Variants in FLVCR1 observed in about 807,000 individuals in gnomAD.
FLVCR1 encodes FLVCR choline and heme transporter 1, also known as choline/ethanolamine transporter FLVCR1.
A neutral mutation model predicts 53.6 loss-of-function variants in FLVCR1; 34 were observed. The ratio of observed to expected loss-of-function variants is 0.63; its 90% CI spans 0.48 to 0.84. The LOEUF is 0.84. Ranked by LOEUF, FLVCR1 falls within the 40% of genes least tolerant of loss-of-function variation. The pLI is 0.00. For synonymous variants in FLVCR1, 300 were observed against 286.3 expected, an observed-to-expected ratio of 1.05 and a Z score of -0.48; for missense variants, 677 against 696.7, an observed-to-expected ratio of 0.97 and a Z score of 0.32.
In FLVCR1 at chr1:212,858,771, C is replaced by T. The variant is rs773385018; in HGVS notation, c.319C>T (p.Arg107Cys). ...PLPLTALSPRRFVVLLIFSLY... is the reference protein window; with the variant it reads ...PLPLTALSPRCFVVLLIFSLY... Reference sequence around the variant, plus strand: ...GCCCCTTACGGCGCTCTCCCCGCGGCGCTTCGTGGTGCTCCTGATCTTCAG... The same window carrying T: ...GCCCCTTACGGCGCTCTCCCCGCGGTGCTTCGTGGTGCTCCTGATCTTCAG... The change falls in exon 1 of 10, where the codon CGC becomes TGC. Residue 107 changes from arginine (R) to cysteine (C), a missense_variant. Transcript: ENST00000366971. 1.9e-6 allele frequency: 3 copies of T among 1,613,940 alleles called. No individual in the cohort carries two copies. The South Asian group carries it at 3.3e-5, about 18-fold the overall frequency.
At chr1:212,884,829 A>G (rs780336693) in intron 4 of FLVCR1, among the ~76,000 whole-genome samples, 1 of 152,214 alleles carries the variant, frequency 6.6e-6, no homozygotes, top group Non-Finnish European at 1.5e-5. Context: ...ATAACATGTT[A>G]TGCTACTGAA....
intron 1 of FLVCR1, among the ~76,000 whole-genome samples, 166 bp downstream of exon 1, chr1:212,859,356 A>T (rs1306575003): frequency 6.6e-6 from 1 of 152,224 alleles, no homozygotes; most frequent in African/African-American, 2.4e-5. Flanking sequence ...GAAGTGGGCT[A>T]TAAATTTCTT....
intron 3 of FLVCR1, among the ~76,000 whole-genome samples, chr1:212,882,898 C>G (rs1047995077): frequency 6.8e-6 from 1 of 147,116 alleles, no homozygotes; most frequent in Non-Finnish European, 1.5e-5. Context: ...GGCTCCATCT[C>G]AAAAAAAAAA....
intron 8 of FLVCR1, among the ~76,000 whole-genome samples, chr1:212,892,369 C>T (rs1196207509): frequency 3.3e-5 from 5 of 152,226 alleles, no homozygotes; most frequent in Admixed American, 6.5e-5. Context: ...CACATTGAAA[C>T]TAATGCTTGT....
At chr1:212,885,731 T>C (rs1416439273) in intron 5 of FLVCR1, among the ~76,000 whole-genome samples, 2 of 151,970 alleles carry the variant, frequency 1.3e-5, no homozygotes, top group Non-Finnish European at 2.9e-5. Context: ...TTTTATATTT[T>C]TAGTAGAGAC....
At chr1:212,878,935 G>A (rs1177163099) in intron 3 of FLVCR1, among the ~76,000 whole-genome samples, 1 of 152,006 alleles carries the variant, frequency 6.6e-6, no homozygotes, top group Non-Finnish European at 1.5e-5. Context: ...GCTGCAGTGA[G>A]CTGTGTTTGT....
chr1:212,868,634 C>G (rs192618611), intron 2 of FLVCR1, among the ~76,000 whole-genome samples: 211 of 151,634 alleles, frequency 1.4e-3, no homozygotes, highest in Non-Finnish European at 2.7e-3. Flanking sequence ...GATTCAAACT[C>G]CTGACCTCAG....
intron 2 of FLVCR1, among the ~76,000 whole-genome samples, chr1:212,864,762 A>G (rs1410548164): frequency 3.3e-5 from 5 of 152,226 alleles, no homozygotes; most frequent in Non-Finnish European, 5.9e-5. Context: ...TACAATGGCT[A>G]TAATAGTAAT....
At chr1:212,873,779 A>T (rs6659996) in intron 3 of FLVCR1, among the ~76,000 whole-genome samples, 70,491 of 152,022 alleles carry the variant, frequency 0.46, 17,586 homozygotes, top group East Asian at 0.56. Flanking sequence ...TTTTTGGGGA[A>T]ACACACTCTA....
chr1:212,864,713 T>A lies in FLVCR1; in HGVS notation c.883+844T>A, dbSNP rs1364771077. Among the ~76,000 whole-genome samples, 3 of 152,222 alleles carry A rather than the reference T, an allele frequency of 2.0e-5. No homozygotes were observed. In the East Asian group the frequency reaches 5.8e-4, roughly 29 times the overall value. ...TCTTTTAATCATTCAAATTTATAAT[T>A]TCATTATAGCTGGAGTTTTAAATTT... On this transcript the variant is annotated intron_variant, in intron 2 of 9. Coordinates refer to ENST00000366971, the MANE Select transcript of FLVCR1 (RefSeq NM_014053.4).
In FLVCR1 at chr1:212,872,710, C is replaced by CA; in HGVS notation, c.917dup (p.Ala307GlyfsTer11). 1 of 1,613,834 alleles carries CA rather than the reference C, an allele frequency of 6.2e-7. No individual in the cohort carries two copies. On this transcript the variant is annotated frameshift_variant, in exon 3 of 10. Transcript: ENST00000366971. LOFTEE classifies it high-confidence loss of function. Reference sequence around the variant, plus strand: ...AGAAAAACCTCGGTATCCACCAAGTCAGGCTCAAGCAGCTCTTCAAGACAG... The same window carrying CA: ...AGAAAAACCTCGGTATCCACCAAGTCAAGGCTCAAGCAGCTCTTCAAGACAG...
chr1:212,885,315 G>A lies in FLVCR1; in HGVS notation c.1115G>A (p.Arg372Lys). The A allele has an allele frequency of 6.2e-7, 1 of 1,614,008 alleles. No individual in the cohort carries two copies. The highest frequency in any genetic ancestry group is 8.5e-7 in the Non-Finnish European group (1 of 1,179,942). ...YYEGEEVNAG[R>K]IGLTLVVAGM... ...CAGGGAGAAGAAGTCAATGCTGGAAGGATTGGGCTAACGCTAGTAGTAGCT... is the reference window on the plus strand; with the variant it reads ...CAGGGAGAAGAAGTCAATGCTGGAAAGATTGGGCTAACGCTAGTAGTAGCT... The change falls in exon 5 of 10, where the codon AGG (arginine) becomes AAG (lysine). Residue 372 changes from arginine to lysine, a missense_variant. Arg to Lys is a conservative substitution (Grantham distance 26). Transcript: ENST00000366971.
At chr1:212,863,633 A>G in intron 1 of FLVCR1, 92 bp from the exon 2 acceptor site, 16 of 1,140,184 alleles carry the variant, frequency 1.4e-5, no homozygotes, top group Non-Finnish European at 1.3e-6. Flanking sequence ...ACCTTTATAA[A>G]CACTAGCTGT....
intron 3 of FLVCR1, among the ~76,000 whole-genome samples, chr1:212,874,109 G>A (rs554791356): frequency 1.4e-4 from 21 of 152,282 alleles, no homozygotes; most frequent in Middle Eastern, 3.4e-3. Context: ...CCGGGTTCAA[G>A]CAATTCTCCT....
At chr1:212,862,106 G>T (rs1664261710) in intron 1 of FLVCR1, among the ~76,000 whole-genome samples, 2 of 151,988 alleles carry the variant, frequency 1.3e-5, no homozygotes, top group South Asian at 4.2e-4. Context: ...TTCCTCCATT[G>T]AACCTCCTAA....
intron 3 of FLVCR1, among the ~76,000 whole-genome samples, chr1:212,876,116 A>G (rs1664745826): frequency 6.6e-6 from 1 of 151,840 alleles, no homozygotes; most frequent in Non-Finnish European, 1.5e-5. Flanking sequence ...CGAATTCCTG[A>G]CCTCAGGCAT....
chr1:212,880,258 G>A (rs183583755), intron 3 of FLVCR1, among the ~76,000 whole-genome samples: 24 of 152,236 alleles, frequency 1.6e-4, no homozygotes, highest in African/African-American at 4.8e-4. Context: ...TCCTTTAATC[G>A]CCAGTTTAAA....
At chr1:212,861,064 G>A (rs549548153) in intron 1 of FLVCR1, among the ~76,000 whole-genome samples, 3 of 152,224 alleles carry the variant, frequency 2.0e-5, no homozygotes, top group African/African-American at 7.2e-5. Context: ...CTTACCCCCT[G>A]CAGTGGCTTC....
intron 5 of FLVCR1, among the ~76,000 whole-genome samples, chr1:212,886,548 C>T (rs972967092): frequency 1.3e-5 from 2 of 151,944 alleles, no homozygotes; most frequent in African/African-American, 4.8e-5. Context: ...GCCTGTAATC[C>T]CAGCATTTTG....
Sources: gnomAD v4.1 joint callset for allele counts (sites outside exome capture counted in the v4.1 genomes callset) on GRCh38, gnomAD v4.1.1 for gene constraint, MANE v1.5 for transcripts, NCBI Gene and HGNC (gene_info 2026-07-23, HGNC 2026-07-21) for gene names.